GAS7: variants seen among roughly 807,000 people sequenced by gnomAD.
GAS7 encodes growth arrest specific 7.
GAS7 carries 28 observed loss-of-function variants against 71.1 expected under a neutral mutation model. The ratio of observed to expected loss-of-function variants is 0.39; its 90% confidence interval spans 0.29 to 0.54. The LOEUF (loss-of-function observed/expected upper bound fraction) is 0.54. GAS7 is among the 20% of genes least tolerant of loss of function. The probability of loss-of-function intolerance (pLI) is 0.62; values close to 1 mark genes in which losing one functional copy is unlikely to be tolerated. For missense variants in GAS7, 436 were observed against 627.8 expected (o/e 0.69, Z 3.27); for synonymous variants, 258 against 245.8 (o/e 1.05, Z -0.46).
At chr17:10,155,304 C>A (rs1195408700) in intron 1 of GAS7, among the ~76,000 whole-genome samples, 4 of 148,858 alleles carry the variant, frequency 2.7e-5, no homozygotes, top group Admixed American at 2.7e-4. Context: ...GTGTGAGCCA[C>A]CGTGCCCGGC....
At chr17:9,958,306 C>T (rs2069330883) in intron 5 of GAS7, among the ~76,000 whole-genome samples, 2 of 152,220 alleles carry the variant, frequency 1.3e-5, no homozygotes, top group African/African-American at 4.8e-5. Context: ...ACTACATGTG[C>T]ATAATAAGTG....
chr17:9,959,444 C>T lies in GAS7; in HGVS notation c.472-189G>A. 7.0e-7 allele frequency: 1 copy of T among 1,437,926 alleles called. No individual in the cohort carries two copies. The highest frequency in any genetic ancestry group is 1.5e-5 in the South Asian group (1 of 67,536). The allele number at this position is 1,437,926 out of a possible 1,614,324, so 89.1% of individuals were successfully genotyped here. A position where few individuals can be genotyped will look rare whatever the true frequency, so the allele number is the denominator to read the frequency against. On this transcript the variant is annotated intron_variant, in intron 4 of 13. Coordinates refer to ENST00000432992, the MANE Select transcript of GAS7 (RefSeq NM_201433.2). This position sits in a 1 kb window ranked among gnomAD's most constrained non-coding sequence, Gnocchi z 5.0. ...CCCCACGCTGTTCCCACGCCCAGCT[C>T]TCGGGCTGAAGGCGAATTAAGGAAG...
At chr17:10,074,897 CAG>C (rs989821740) in intron 1 of GAS7, among the ~76,000 whole-genome samples, 1 of 150,524 alleles carries the variant, frequency 6.6e-6, no homozygotes, top group African/African-American at 2.5e-5. Context: ...CCTGGAAATG[CAG>C]AGATATTGAA....
At chr17:9,992,359 C>G (rs933514620) in intron 2 of GAS7, among the ~76,000 whole-genome samples, 1 of 151,956 alleles carries the variant, frequency 6.6e-6, no homozygotes, top group African/African-American at 2.4e-5. Context: ...GAGATTGCCA[C>G]AAACCCATGA....
intron 2 of GAS7, among the ~76,000 whole-genome samples, chr17:10,019,326 G>A (rs991425891): frequency 1.3e-5 from 2 of 152,114 alleles, no homozygotes; most frequent in African/African-American, 4.8e-5. Flanking sequence ...TGAAATTAGG[G>A]AAACCTCGCA....
chr17:10,140,056 C>T (rs1358692265), intron 1 of GAS7, among the ~76,000 whole-genome samples: 2 of 152,196 alleles, frequency 1.3e-5, no homozygotes, highest in Non-Finnish European at 2.9e-5. Context: ...CTTAACTTCA[C>T]CTTTCCCGTA....
rs1235945420 is a variant in GAS7, at chr17:9,998,508, C to T, written c.305-16624G>A. Among the ~76,000 whole-genome samples, 6 of 150,540 alleles carry T rather than the reference C, an allele frequency of 4.0e-5. No individual in the cohort carries two copies. In the East Asian group the frequency reaches 5.8e-4, roughly 15 times the overall value. On this transcript the variant is annotated intron_variant, in intron 2 of 13. Transcript: ENST00000432992. ...ATGAAGAGAACCCAGAGAAAGATCG[C>T]GCCCGTGATCCTAGAACTTTGGGAG...
At chr17:10,054,486 C>A (rs763297572) in intron 1 of GAS7, among the ~76,000 whole-genome samples, 1 of 152,138 alleles carries the variant, frequency 6.6e-6, no homozygotes, top group East Asian at 1.9e-4. Context: ...ATGTTGGCAA[C>A]CAACTGAAAC....
chr17:10,111,810 C>G (rs1410663725), intron 1 of GAS7, among the ~76,000 whole-genome samples: 1 of 152,158 alleles, frequency 6.6e-6, no homozygotes, highest in African/African-American at 2.4e-5. Flanking sequence ...CAAAATTGGA[C>G]CAGGTCATGG....
At chr17:10,182,672 A>G (rs866255671) in intron 1 of GAS7, among the ~76,000 whole-genome samples, 18 of 152,290 alleles carry the variant, frequency 1.2e-4, no homozygotes, top group African/African-American at 4.1e-4. Flanking sequence ...TCCGACAGCA[A>G]GGACCTGAGA....
Position 9,934,161 on chromosome 17 carries a change from G to A in GAS7, c.885+5C>T, listed in dbSNP as rs533952754. 9 of 1,598,728 alleles carry A rather than the reference G, an allele frequency of 5.6e-6. No individual in the cohort carries two copies. The South Asian group carries it at 7.7e-5, about 14-fold the overall frequency. Reference sequence around the variant, plus strand: ...CAACTGAGGGTGGCTGCAGGGAGGGGTTACCTTGGCAGAGAACTTGAGGTG... The same window carrying A: ...CAACTGAGGGTGGCTGCAGGGAGGGATTACCTTGGCAGAGAACTTGAGGTG... On this transcript the variant is annotated splice_donor_5th_base_variant and intron_variant, in intron 9 of 13. Transcript: ENST00000432992.
chr17:9,912,449 C>A lies in GAS7; in HGVS notation c.*4779G>T, dbSNP rs780210263. ...TGATGAGCCCCAGGGCCAGCCCCAG[C>A]CTTCTTGTCCATGCTGCTTCTGCTC... On this transcript the variant is annotated 3_prime_UTR_variant, in exon 14 of 14. Coordinates refer to ENST00000432992, the MANE Select transcript of GAS7 (RefSeq NM_201433.2). 8.6e-6 allele frequency: 2 copies of A among 233,044 alleles called. No homozygotes were observed. The highest frequency in any genetic ancestry group is 1.7e-5 in the Non-Finnish European group (2 of 118,014). The allele number at this position is 233,044 out of a possible 1,614,324, so 14.4% of individuals were successfully genotyped here.
chr17:10,057,236 C>T (rs141424994), intron 1 of GAS7, among the ~76,000 whole-genome samples: 2,908 of 152,296 alleles, frequency 0.019, 38 homozygotes, highest in Middle Eastern at 0.048. Context: ...AAGTGAGGAG[C>T]GTCTCTGCCT....
chr17:9,949,770 TCCCC>T, intron 5 of GAS7, among the ~76,000 whole-genome samples: 1 of 57,806 alleles, frequency 1.7e-5, no homozygotes, highest in South Asian at 4.9e-4. Context: ...CTTCCCTTCC[TCCCC>T]TCCTCCCTTC....
chr17:9,918,707 A>G (rs2067681363), intron 12 of GAS7, among the ~76,000 whole-genome samples: 1 of 152,234 alleles, frequency 6.6e-6, no homozygotes, highest in Non-Finnish European at 1.5e-5. Context: ...ACTGGGCTGC[A>G]CGTGGCACAG....
In GAS7 at chr17:10,136,884, G is replaced by A. The variant is rs149860355; in HGVS notation, c.183+61324C>T. Among the ~76,000 whole-genome samples the A allele has an allele frequency of 5.5e-3, 832 of 152,058 alleles. 9 individuals carry two copies. The highest frequency in any genetic ancestry group is 0.019 in the African/African-American group (775 of 41,500). The stretch of plus-strand genomic sequence containing the variant: ...CTGTAAAAATCCCAGCTCTCTGGGA[G>A]GCTGAGGCAGGAGGATCACCTGAGT... On this transcript the variant is annotated intron_variant, in intron 1 of 13. Transcript: ENST00000432992.
intron 1 of GAS7, among the ~76,000 whole-genome samples, chr17:10,120,837 AG>A (rs2073898914): frequency 6.6e-6 from 1 of 152,138 alleles, no homozygotes; most frequent in Admixed American, 6.5e-5. Flanking sequence ...GCAGGCTGCT[AG>A]GGGGAGGGAG....
Position 9,945,259 on chromosome 17 carries a change from C to T in GAS7, c.615+1635G>A, listed in dbSNP as rs1021600951. 3.3e-5 allele frequency among the ~76,000 whole-genome samples: 5 copies of T among 152,220 alleles called. No individual in the cohort carries two copies. The East Asian group carries it at 9.7e-4, about 29-fold the overall frequency. ...CCGCCACCACCATCTTTCCTGGTCT[C>T]TTCCACTCACCCGTCAACTTCCCAC... On this transcript the variant is annotated intron_variant, in intron 6 of 13. Coordinates refer to ENST00000432992, the MANE Select transcript of GAS7 (RefSeq NM_201433.2).
At chr17:10,025,007 A>G (rs919386329) in intron 1 of GAS7, among the ~76,000 whole-genome samples, 11 of 152,222 alleles carry the variant, frequency 7.2e-5, no homozygotes, top group Non-Finnish European at 1.0e-4. Context: ...AGCCTGCCTC[A>G]TAGATGGCAT....
Sources: allele counts gnomAD v4.1 joint callset (sites outside exome capture counted in the v4.1 genomes callset), GRCh38; gene constraint gnomAD v4.1.1; non-coding constraint Gnocchi (gnomAD v3.1); transcripts MANE v1.5; gene names NCBI Gene and HGNC (gene_info 2026-07-23, HGNC 2026-07-21).